The following SMIM7 variants were observed in gnomAD, a reference collection of about 807,000 sequenced individuals.
The protein encoded by SMIM7 is small integral membrane protein 7, also known as UPF0608 protein C19orf42.
SMIM7 carries 12 observed loss-of-function variants against 13.3 expected under a neutral mutation model. That is an observed-to-expected ratio of 0.90 (90% CI 0.58 to 1.46). The LOEUF is 1.46. SMIM7 is among the 40% of genes most tolerant of loss of function. The pLI is 0.00. For missense variants in SMIM7, 114 were observed against 94.8 expected (o/e 1.20, Z -0.84); for synonymous variants, 36 against 35.8 (o/e 1.01, Z -0.02).
At chr19:16,641,182 T>C (rs998958395), downstream of SMIM7, 2 of 152,186 alleles carry the variant, frequency 1.3e-5, no homozygotes, top group African/African-American at 2.4e-5. Flanking sequence ...TTTTCCATTC[T>C]GCAGGCCATA....
At chr19:16,658,064 T>C (rs954184740) in intron 3 of SMIM7, among the ~76,000 whole-genome samples, 1 of 152,084 alleles carries the variant, frequency 6.6e-6, no homozygotes, top group Admixed American at 6.6e-5. Context: ...TTCCTCAGGG[T>C]TCCCCCATCC....
rs2086458860 is a variant in SMIM7, at chr19:16,647,127, T to C, written c.*119A>G. ...GAACACTTTTCCACCCACCACGAGC[T>C]TGGACTTTCTGGGAAGGTTGTCGGT... On this transcript the variant is annotated 3_prime_UTR_variant, in exon 5 of 5. Transcript: ENST00000487416. The C allele has an allele frequency of 7.3e-7, 1 of 1,366,040 alleles. No individual in the cohort carries two copies. Among genetic ancestry groups the C allele is most frequent in the African/African-American group, 1.4e-5 (1 of 70,196 alleles). 84.6% of individuals were successfully genotyped at this position (1,366,040 alleles called of 1,614,324 possible). A position where few individuals can be genotyped will look rare whatever the true frequency, so the allele number is the denominator to read the frequency against.
chr19:16,652,878 C>G, intron 4 of SMIM7: 1 of 1,550,598 alleles, frequency 6.4e-7, no homozygotes, highest in Non-Finnish European at 8.7e-7. Flanking sequence ...CCATTTACAG[C>G]AAATCTCACA....
chr19:16,634,485 C>G (rs1026672345), intron 4 of SMIM7: 1 of 152,196 alleles, frequency 6.6e-6, no homozygotes, highest in East Asian at 1.9e-4. Flanking sequence ...CTCAAGAAAA[C>G]TGAAAACATG....
At chr19:16,641,261 C>T (rs1437591676), downstream of SMIM7, 1 of 151,624 alleles carries the variant, frequency 6.6e-6, no homozygotes, top group East Asian at 1.9e-4. Context: ...CTAAGTAATA[C>T]ACACACAAAG....
chr19:16,660,027 G>C (rs750308169), intron 1 of SMIM7, 27 bp from the exon 2 acceptor site: 1 of 1,614,040 alleles, frequency 6.2e-7, no homozygotes, highest in Non-Finnish European at 8.5e-7. Context: ...ACAGTTACTA[G>C]GGGCGCCCCC....
chr19:16,637,629 G>A (rs2086369121), intron 4 of SMIM7, among the ~76,000 whole-genome samples: 1 of 152,236 alleles, frequency 6.6e-6, no homozygotes, highest in South Asian at 2.1e-4. Context: ...CCATGGTTGA[G>A]GCCACCAGTC....
intron 3 of SMIM7, among the ~76,000 whole-genome samples, chr19:16,658,313 G>A (rs936404742): frequency 6.6e-5 from 10 of 152,218 alleles, no homozygotes; most frequent in African/African-American, 2.4e-4. Context: ...ACCTAGCACA[G>A]TAGCCAGCAT....
chr19:16,659,808 G>C (rs2086649611), intron 2 of SMIM7, 151 bp downstream of exon 2: 1 of 1,022,946 alleles, frequency 9.8e-7, no homozygotes, highest in African/African-American at 1.6e-5. Flanking sequence ...GGGCGAGGAA[G>C]ATAAACCAGG....
At chr19:16,655,706 GA>G (rs1467138433) in intron 3 of SMIM7, among the ~76,000 whole-genome samples, 2 of 85,614 alleles carry the variant, frequency 2.3e-5, no homozygotes, top group East Asian at 5.7e-4. Context: ...AAAAAAAAAA[GA>G]ATGGCTCCAG....
chr19:16,649,725 C>T (rs544542406), intron 4 of SMIM7, among the ~76,000 whole-genome samples: 1 of 152,276 alleles, frequency 6.6e-6, no homozygotes, highest in Non-Finnish European at 1.5e-5. Flanking sequence ...ACAAACATTT[C>T]AACTGTCCAC....
downstream of SMIM7, chr19:16,643,783 T>C (rs1442622289): frequency 6.6e-6 from 1 of 152,266 alleles, no homozygotes; most frequent in African/African-American, 2.4e-5. Context: ...GACCCCTCCA[T>C]GGTTATCTGC....
At chr19:16,653,498 G>A (rs1481506116) in intron 4 of SMIM7, among the ~76,000 whole-genome samples, 2 of 151,816 alleles carry the variant, frequency 1.3e-5, no homozygotes, top group East Asian at 1.9e-4. Context: ...CAGGAGAATC[G>A]CTTGAAGCAG....
chr19:16,638,301 CTTT>C (rs375558591), intron 4 of SMIM7, among the ~76,000 whole-genome samples: 1 of 122,768 alleles, frequency 8.1e-6, no homozygotes, highest in African/African-American at 3.1e-5. Flanking sequence ...TTTCTTTTTT[CTTT>C]TTTTTTTTTT....
chr19:16,656,345 G>A (rs904523459), intron 3 of SMIM7, among the ~76,000 whole-genome samples: 6 of 152,052 alleles, frequency 3.9e-5, no homozygotes, highest in South Asian at 2.1e-4. Flanking sequence ...CTGAGATCAC[G>A]CCACTGCACG....
exon 5 of SMIM7, chr19:16,631,430 T>C (rs2086320813): frequency 6.6e-6 from 1 of 151,834 alleles, no homozygotes; most frequent in Non-Finnish European, 1.5e-5. Flanking sequence ...GGAGAGGAAG[T>C]AGTTCAGAGT....
downstream of SMIM7, among the ~76,000 whole-genome samples, chr19:16,643,262 T>C (rs2086417812): frequency 1.3e-5 from 2 of 152,166 alleles, no homozygotes; most frequent in Admixed American, 6.5e-5. Context: ...ACCTAGATGA[T>C]TATGCACAGA....
In SMIM7 at chr19:16,647,107, C is replaced by T; in HGVS notation, c.*139G>A. 1.8e-6 allele frequency: 2 copies of T among 1,135,320 alleles called. No homozygotes were observed. Among genetic ancestry groups the T allele is most frequent in the South Asian group, 1.3e-5 (1 of 76,096 alleles). 70.3% of individuals were successfully genotyped at this position (1,135,320 alleles called of 1,614,324 possible). A position where few individuals can be genotyped will look rare whatever the true frequency, so the allele number is the denominator to read the frequency against. ...GAAACCATGCACACCTCGGCGAACA[C>T]TTTTCCACCCACCACGAGCTTGGAC... On this transcript the variant is annotated 3_prime_UTR_variant, in exon 5 of 5. Coordinates refer to ENST00000487416, the MANE Select transcript of SMIM7 (RefSeq NM_024104.4).
At chr19:16,640,376 C>T (rs755649522) in intron 4 of SMIM7, 2 of 152,084 alleles carry the variant, frequency 1.3e-5, no homozygotes, top group Non-Finnish European at 2.9e-5. Flanking sequence ...ATGCCTTTTC[C>T]TTTTACACAA....
Sources: allele counts gnomAD v4.1 joint callset (sites outside exome capture counted in the v4.1 genomes callset), GRCh38; gene constraint gnomAD v4.1.1; transcripts MANE v1.5; gene names NCBI Gene and HGNC (gene_info 2026-07-23, HGNC 2026-07-21).